MINK1: variants seen among roughly 807,000 people sequenced by gnomAD.
The protein encoded by MINK1 is misshapen like kinase 1.
In MINK1, 46 loss-of-function variants were observed where a neutral mutation model predicts 178.4. That is an observed-to-expected ratio of 0.26 (90% CI 0.20 to 0.33). The LOEUF is 0.33. MINK1 is among the 10% of genes least tolerant of loss of function. MINK1 has a pLI of 1.00. For missense variants in MINK1, 1,366 were observed against 1,814.9 expected (o/e 0.75, Z 4.49); for synonymous variants, 797 against 709.7 (o/e 1.12, Z -1.96).
chr17:4,866,703 CTGAGACGGCAGTGAGCCA>C (rs1258658109), intron 1 of MINK1, among the ~76,000 whole-genome samples: 1 of 151,938 alleles, frequency 6.6e-6, no homozygotes, highest in African/African-American at 2.4e-5. Context: ...GCACAGCAGC[CTGAGACGGCAGTGAGCCA>C]TGATTCTGGC....
Position 4,897,569 on chromosome 17 carries a change from CT to C in MINK1, c.*286del, listed in dbSNP as rs1164816092. The C allele has an allele frequency of 1.0e-5, 4 of 398,242 alleles. No individual in the cohort carries two copies. Among genetic ancestry groups the C allele is most frequent in the Non-Finnish European group, 1.8e-5 (4 of 219,012 alleles). 24.7% of individuals were successfully genotyped at this position (398,242 alleles called of 1,614,324 possible). On this transcript the variant is annotated 3_prime_UTR_variant, in exon 32 of 32. Coordinates refer to ENST00000355280, the MANE Select transcript of MINK1 (RefSeq NM_153827.5). ...ATTGAGTGGGCCTAGCCCCTCCCCCCTTTTCTCCATTTGAGAGGAGAGTGCT... is the reference window on the plus strand; with the variant it reads ...ATTGAGTGGGCCTAGCCCCTCCCCCCTTTCTCCATTTGAGAGGAGAGTGCT...
At chr17:4,866,486 A>T (rs1433521092) in intron 1 of MINK1, among the ~76,000 whole-genome samples, 2 of 151,296 alleles carry the variant, frequency 1.3e-5, no homozygotes, top group African/African-American at 4.9e-5. Flanking sequence ...AAAAAAAAAA[A>T]TTTCTATCTT....
chr17:4,893,098 C>T (rs1292808660), intron 20 of MINK1, 31 bp downstream of exon 20: 2 of 1,552,008 alleles, frequency 1.3e-6, no homozygotes, highest in Admixed American at 1.9e-5. Flanking sequence ...CATGGCCTGC[C>T]TCATCCTGGT....
In MINK1 at chr17:4,890,490, G is replaced by A. The variant is rs374958042; in HGVS notation, c.1348-27G>A. ...AACTCCCAGGGCCACACCCTGCTGA[G>A]CCCTCTCTCCCTACCCTTGGGCCCA... is the stretch of plus-strand genomic sequence containing the variant. On this transcript the variant is annotated intron_variant, in intron 13 of 31. Transcript: ENST00000355280. 2.6e-6 allele frequency: 4 copies of A among 1,564,534 alleles called. No homozygotes were observed. In the African/African-American group the frequency reaches 5.4e-5, roughly 21 times the overall value.
intron 1 of MINK1, among the ~76,000 whole-genome samples, chr17:4,861,031 C>T (rs1408880197): frequency 6.6e-6 from 1 of 152,210 alleles, no homozygotes; most frequent in African/African-American, 2.4e-5. Context: ...TCCTCAGCTT[C>T]TTCTGAAAAG....
At chr17:4,868,398 C>A (rs1014082888) in intron 1 of MINK1, among the ~76,000 whole-genome samples, 2 of 152,180 alleles carry the variant, frequency 1.3e-5, no homozygotes, top group African/African-American at 4.8e-5. Flanking sequence ...AATCCATTAA[C>A]CAGCCTCTCT....
rs1968953274 is a variant in MINK1, at chr17:4,892,487, C to T, written c.2173C>T (p.Pro725Ser). 6.4e-7 allele frequency: 1 copy of T among 1,561,444 alleles called. No homozygotes were observed. The change falls in exon 18 of 32, where the codon CCC becomes TCC. Residue 725 changes from proline to serine, a missense_variant. This residue lies in a region of MINK1 where 709 missense variants were observed against 692.3 expected (regional missense o/e 1.02). Transcript: ENST00000355280. Reference sequence around the variant, plus strand: ...AAAGCCTCCAGGGCCCCCTGCTCAGCCCCCTGGCCCGCCCAACGCCTCTAG... The same window carrying T: ...AAAGCCTCCAGGGCCCCCTGCTCAGTCCCCTGGCCCGCCCAACGCCTCTAG... ...TPKPPGPPAQ[P>S]PGPPNASSNP...
chr17:4,869,502 C>T (rs567554227), intron 1 of MINK1, among the ~76,000 whole-genome samples: 5 of 151,914 alleles, frequency 3.3e-5, no homozygotes, highest in African/African-American at 1.2e-4. Flanking sequence ...GTCTCTAACT[C>T]CTGGGCTCAA....
chr17:4,885,669 G>A lies in MINK1; in HGVS notation c.639+56G>A. The A allele has an allele frequency of 6.2e-7, 1 of 1,606,184 alleles. No individual in the cohort carries two copies. The highest frequency in any genetic ancestry group is 8.5e-7 in the Non-Finnish European group (1 of 1,174,910). ...CTGCCAAGGGCGGGAAGCAATATGG[G>A]GACCACGGGGCCTGAGCAGGCTGGG... On this transcript the variant is annotated intron_variant, in intron 7 of 31. Transcript: ENST00000355280. This position sits in a 1 kb window ranked among gnomAD's most constrained non-coding sequence, Gnocchi z 5.0.
chr17:4,885,965 CG>C lies in MINK1; in HGVS notation c.694+1del. ...CATCGAGATGGCAGAGGGAGCCCCCCGTAAGTTCTGAGTCTGCCGGGAGTGG... is the reference window on the plus strand; with the variant it reads ...CATCGAGATGGCAGAGGGAGCCCCCCTAAGTTCTGAGTCTGCCGGGAGTGG... On this transcript the variant is annotated splice_donor_variant, in intron 8 of 31. Coordinates refer to ENST00000355280, the MANE Select transcript of MINK1 (RefSeq NM_153827.5). LOFTEE classifies it high-confidence loss of function. The surrounding 1 kb of genome is among the most constrained non-coding windows in gnomAD (Gnocchi z 5.0). 6.2e-7 allele frequency: 1 copy of C among 1,613,738 alleles called. No individual in the cohort carries two copies. Among genetic ancestry groups the C allele is most frequent in the Non-Finnish European group, 8.5e-7 (1 of 1,179,774 alleles).
chr17:4,879,816 C>G (rs949400207), intron 2 of MINK1, among the ~76,000 whole-genome samples: 4 of 152,110 alleles, frequency 2.6e-5, no homozygotes, highest in African/African-American at 4.8e-5. Context: ...TCTCTGAGTT[C>G]CCTAAAATCT....
intron 1 of MINK1, among the ~76,000 whole-genome samples, chr17:4,865,156 CG>C (rs1311561092): frequency 3.3e-5 from 5 of 152,100 alleles, no homozygotes; most frequent in African/African-American, 9.7e-5. Context: ...CTGGGCCGGG[CG>C]CGGTGGCTCA....
At chr17:4,848,345 T>C (rs1911356936) in intron 1 of MINK1, among the ~76,000 whole-genome samples, 1 of 152,190 alleles carries the variant, frequency 6.6e-6, no homozygotes, top group South Asian at 2.1e-4. Context: ...AAGTAACTCA[T>C]ACCCCTATGC....
chr17:4,890,354 T>G lies in MINK1; in HGVS notation c.1348-163T>G, dbSNP rs148803150. On this transcript the variant is annotated intron_variant, in intron 13 of 31. Coordinates refer to ENST00000355280, the MANE Select transcript of MINK1 (RefSeq NM_153827.5). ...CTCTGGGAAGATGCTTTTCAGAGCTTCTTTGCTGGAACGGGATGGGAACAC... is the reference window on the plus strand; with the variant it reads ...CTCTGGGAAGATGCTTTTCAGAGCTGCTTTGCTGGAACGGGATGGGAACAC... The G allele has an allele frequency of 4.5e-4, 649 of 1,431,664 alleles. 1 individual carries two copies. The African/African-American group carries it at 8.3e-3, about 18-fold the overall frequency. The allele number at this position is 1,431,664 out of a possible 1,614,324, so 88.7% of individuals were successfully genotyped here.
chr17:4,833,434 C>G lies in MINK1; in HGVS notation c.-150C>G. On this transcript the variant is annotated 5_prime_UTR_variant, in exon 1 of 32. Coordinates refer to ENST00000355280, the MANE Select transcript of MINK1 (RefSeq NM_153827.5). This position sits in a 1 kb window ranked among gnomAD's most constrained non-coding sequence, Gnocchi z 4.8. ...GCCTGTCAGTCGGTGGGTCGGTCCT[C>G]GCGCCGGCCCTCCCCCTCCCCGGTC... The G allele has an allele frequency of 1.7e-6, 1 of 598,470 alleles. No individual in the cohort carries two copies. The highest frequency in any genetic ancestry group is 2.8e-6 in the Non-Finnish European group (1 of 353,818). 37.1% of individuals were successfully genotyped at this position (598,470 alleles called of 1,614,324 possible). A position where few individuals can be genotyped will look rare whatever the true frequency, so the allele number is the denominator to read the frequency against.
intron 16 of MINK1, 143 bp downstream of exon 16, chr17:4,891,859 C>T (rs531911752): frequency 3.6e-5 from 46 of 1,261,576 alleles, no homozygotes; most frequent in African/African-American, 1.5e-4. Context: ...CGGGGTCAGC[C>T]GTCCAGCTGA....
chr17:4,873,315 A>G (rs1966883683), intron 1 of MINK1, among the ~76,000 whole-genome samples: 1 of 150,616 alleles, frequency 6.6e-6, no homozygotes, highest in African/African-American at 2.5e-5. Context: ...CCCCAATTCA[A>G]CATTCAAACC....
chr17:4,893,143 G>C (rs1416054893), intron 20 of MINK1, 76 bp downstream of exon 20: 1 of 1,513,746 alleles, frequency 6.6e-7, no homozygotes, highest in African/African-American at 1.4e-5. Context: ...GGTGTCAGGG[G>C]TGGGGTCTCC....
At chr17:4,893,841 CGGTGGAGCAGGGGCTACACCGTGAG>C (rs1422188147) in intron 21 of MINK1, 122 bp from the exon 22 acceptor site, 301 of 862,812 alleles carry the variant, frequency 3.5e-4, no homozygotes, top group East Asian at 7.1e-4. Context: ...AAGCACCTCA[CGGTGGAGCAGGGGCTACACCGTGAG>C]GGTGGAGCAG....
Sources: allele counts gnomAD v4.1 joint callset (sites outside exome capture counted in the v4.1 genomes callset), GRCh38; gene constraint gnomAD v4.1.1; regional missense constraint gnomAD v4.1.1; non-coding constraint Gnocchi (gnomAD v3.1); transcripts MANE v1.5; gene names NCBI Gene and HGNC (gene_info 2026-07-23, HGNC 2026-07-21).